The following AKAP19 variants were observed in gnomAD, a reference collection of about 807,000 sequenced individuals.
AKAP19 encodes the protein A-kinase anchoring protein 19.
the AKAP19 span, among the ~76,000 whole-genome samples, chr2:190,043,073 A>G: frequency 1.3e-5 from 2 of 152,174 alleles, no homozygotes; most frequent in African/African-American, 4.8e-5. Flanking sequence ...TGTTAGCTTG[A>G]TCAGGTTCCC....
chr2:190,071,235 G>T, the AKAP19 span, among the ~76,000 whole-genome samples: 3 of 152,116 alleles, frequency 2.0e-5, no homozygotes, highest in Non-Finnish European at 2.9e-5. Context: ...ATTGCTTGAG[G>T]CCAGGAGTTC....
At chr2:189,891,456 C>A in the AKAP19 span, among the ~76,000 whole-genome samples, 1 of 151,916 alleles carries the variant, frequency 6.6e-6, no homozygotes, top group East Asian at 1.9e-4. Context: ...ATCTCCTGAC[C>A]TCATGATCTG....
the AKAP19 span, among the ~76,000 whole-genome samples, chr2:189,892,967 A>C: frequency 3.3e-5 from 5 of 152,174 alleles, no homozygotes; most frequent in Admixed American, 2.0e-4. Flanking sequence ...ATCTGGCTAC[A>C]GCAGCTTTGC....
At chr2:189,923,799 G>C in the AKAP19 span, 2 of 1,612,444 alleles carry the variant, frequency 1.2e-6, 1 homozygote, top group South Asian at 2.2e-5. Flanking sequence ...ACTTCACAAA[G>C]GGGCATAAGT....
At chr2:190,082,369 C>T in the AKAP19 span, among the ~76,000 whole-genome samples, 2 of 152,242 alleles carry the variant, frequency 1.3e-5, no homozygotes, top group Non-Finnish European at 2.9e-5. Context: ...TGCTTCCCAG[C>T]CTGTCAGGAT....
At chr2:190,053,624 A>G in the AKAP19 span, among the ~76,000 whole-genome samples, 1 of 152,144 alleles carries the variant, frequency 6.6e-6, no homozygotes, top group African/African-American at 2.4e-5. Flanking sequence ...TCAACACTTT[A>G]TGTCACATGC....
At chr2:189,914,373 T>C in the AKAP19 span, among the ~76,000 whole-genome samples, 1 of 152,120 alleles carries the variant, frequency 6.6e-6, no homozygotes, top group Non-Finnish European at 1.5e-5. Flanking sequence ...TTTCTATGAA[T>C]TGACGAATGT....
At chr2:189,926,987 G>A in the AKAP19 span, among the ~76,000 whole-genome samples, 1 of 152,048 alleles carries the variant, frequency 6.6e-6, no homozygotes, top group Non-Finnish European at 1.5e-5. Context: ...GGATTCAAGT[G>A]ATCCTCCTAC....
the AKAP19 span, among the ~76,000 whole-genome samples, chr2:190,102,156 G>T: frequency 6.6e-6 from 1 of 151,842 alleles, no homozygotes. Flanking sequence ...ATGAAAACAG[G>T]TATACCCAAA....
chr2:190,194,739 CCA>C, the AKAP19 span, among the ~76,000 whole-genome samples: 1 of 152,136 alleles, frequency 6.6e-6, no homozygotes, highest in African/African-American at 2.4e-5. Context: ...TTTACTGTCT[CCA>C]GAGTCTTGCC....
At chr2:189,895,209 G>A in the AKAP19 span, among the ~76,000 whole-genome samples, 1 of 152,012 alleles carries the variant, frequency 6.6e-6, no homozygotes, top group Non-Finnish European at 1.5e-5. Context: ...AAGAAGAAAG[G>A]GAGTGAAAAG....
chr2:189,932,723 AG>A, the AKAP19 span, among the ~76,000 whole-genome samples: 1 of 151,686 alleles, frequency 6.6e-6, no homozygotes, highest in Non-Finnish European at 1.5e-5. Flanking sequence ...AAAAAAAAAA[AG>A]AATCCATTAC....
chr2:190,031,311 T>C, the AKAP19 span, among the ~76,000 whole-genome samples: 1 of 152,222 alleles, frequency 6.6e-6, no homozygotes, highest in Non-Finnish European at 1.5e-5. Context: ...TGATTGTGTC[T>C]TGAATCCCAT....
At chr2:190,100,860 G>A in the AKAP19 span, among the ~76,000 whole-genome samples, 1 of 152,196 alleles carries the variant, frequency 6.6e-6, no homozygotes, top group South Asian at 2.1e-4. Flanking sequence ...CTGGCCCCAT[G>A]ATGGTGTCCA....
the AKAP19 span, among the ~76,000 whole-genome samples, chr2:190,016,380 C>G: frequency 6.6e-6 from 1 of 152,130 alleles, no homozygotes; most frequent in African/African-American, 2.4e-5. Flanking sequence ...GAGGAACTCT[C>G]AGACACTTAT....
At chr2:190,092,376 A>T in the AKAP19 span, among the ~76,000 whole-genome samples, 5 of 151,784 alleles carry the variant, frequency 3.3e-5, no homozygotes, top group Admixed American at 3.3e-4. Flanking sequence ...TTCCTTCTGA[A>T]TCACACATAT....
chr2:189,928,217 A>G, the AKAP19 span, among the ~76,000 whole-genome samples: 4 of 152,176 alleles, frequency 2.6e-5, no homozygotes, highest in Non-Finnish European at 5.9e-5. Context: ...CAGGAACAAT[A>G]CTACAGAAAT....
the AKAP19 span, among the ~76,000 whole-genome samples, chr2:190,133,504 G>T: frequency 3.3e-5 from 5 of 152,058 alleles, no homozygotes; most frequent in Admixed American, 6.6e-5. Context: ...GCAGTATGAA[G>T]GTTCCTCAAA....
At chr2:190,144,048 T>C in the AKAP19 span, among the ~76,000 whole-genome samples, 30,935 of 133,962 alleles carry the variant, frequency 0.23, 3,991 homozygotes, top group Admixed American at 0.32. Context: ...GGAGGGATAG[T>C]ATTGGGAGAT....
Sources: gnomAD v4.1 joint callset for allele counts (sites outside exome capture counted in the v4.1 genomes callset) on GRCh38, gnomAD v4.1.1 for gene constraint, MANE v1.5 for transcripts, NCBI Gene and HGNC (gene_info 2026-07-23, HGNC 2026-07-21) for gene names.